The following SLC45A4 variants were observed in gnomAD, a reference collection of about 807,000 sequenced individuals.
SLC45A4 encodes polyamine-transporter SLC45A4.
SLC45A4 carries 32 observed loss-of-function variants against 63.7 expected under a neutral mutation model. That is an observed-to-expected ratio of 0.50 (90% confidence interval 0.38 to 0.67). The LOEUF (loss-of-function observed/expected upper bound fraction) is 0.67, where lower values mean the gene tolerates loss of function less well. Ranked by LOEUF, SLC45A4 falls within the 30% of genes least tolerant of loss-of-function variation. The probability of loss-of-function intolerance (pLI) is 0.00; values close to 1 mark genes in which losing one functional copy is unlikely to be tolerated. For missense variants in SLC45A4, 1,027 were observed against 1,157.7 expected, an observed-to-expected ratio of 0.89 and a Z score of 1.64; for synonymous variants, 535 against 510.0, an observed-to-expected ratio of 1.05 and a Z score of -0.66.
intron 1 of SLC45A4, among the ~76,000 whole-genome samples, chr8:141,303,696 A>C (rs996090648): frequency 6.6e-6 from 1 of 152,218 alleles, no homozygotes; most frequent in Non-Finnish European, 1.5e-5. Flanking sequence ...AGCAAGTAGC[A>C]TAACAGAACC....
At chr8:141,213,168 A>T (rs1017908294) in intron 7 of SLC45A4, among the ~76,000 whole-genome samples, 2 of 150,852 alleles carry the variant, frequency 1.3e-5, no homozygotes, top group African/African-American at 4.9e-5. Flanking sequence ...TGTGTGCCAT[A>T]ATCACAGTGA....
At chr8:141,300,352 G>C (rs938327730) in intron 1 of SLC45A4, among the ~76,000 whole-genome samples, 1 of 152,212 alleles carries the variant, frequency 6.6e-6, no homozygotes. Flanking sequence ...AGTGGGATGG[G>C]AAGTGGTGGT....
At chr8:141,302,253 CAA>C (rs1335675050) in intron 1 of SLC45A4, among the ~76,000 whole-genome samples, 2 of 152,084 alleles carry the variant, frequency 1.3e-5, no homozygotes, top group Admixed American at 6.6e-5. Flanking sequence ...TATAGTTTTT[CAA>C]AGTTTTTTTT....
At chr8:141,293,150 CCA>C (rs1296421494) in intron 1 of SLC45A4, among the ~76,000 whole-genome samples, 1 of 152,214 alleles carries the variant, frequency 6.6e-6, no homozygotes, top group Non-Finnish European at 1.5e-5. Context: ...TTCCTCAAGC[CCA>C]CAAAGTGAAA....
chr8:141,260,443 G>C (rs1828998389), intron 1 of SLC45A4, among the ~76,000 whole-genome samples: 1 of 152,148 alleles, frequency 6.6e-6, no homozygotes, highest in Admixed American at 6.5e-5. Flanking sequence ...GCACCCATTG[G>C]ACTAACCCAG....
intron 2 of SLC45A4, among the ~76,000 whole-genome samples, chr8:141,242,537 A>G (rs538524116): frequency 1.3e-5 from 2 of 152,328 alleles, no homozygotes; most frequent in Admixed American, 1.3e-4. Context: ...CGGGCGAGAC[A>G]GTGCTGGGAA....
intron 1 of SLC45A4, among the ~76,000 whole-genome samples, chr8:141,262,557 T>C (rs1829081758): frequency 1.3e-5 from 2 of 151,378 alleles, no homozygotes; most frequent in South Asian, 2.1e-4. Flanking sequence ...GGGTGAAGGA[T>C]ATGAACAGAC....
rs1030554912 is a variant in SLC45A4, at chr8:141,278,950, C to T, written c.-400-24321G>A. Among the ~76,000 whole-genome samples the T allele has an allele frequency of 1.3e-5, 2 of 152,238 alleles. No individual in the cohort carries two copies. The highest frequency in any genetic ancestry group is 2.4e-5 in the African/African-American group (1 of 41,470). On this transcript the variant is annotated intron_variant, in intron 1 of 8. Coordinates refer to ENST00000517878, the MANE Select transcript of SLC45A4 (RefSeq NM_001286646.2). This position sits in a 1 kb window ranked among gnomAD's most constrained non-coding sequence, Gnocchi z 4.1. ...TCAGCCTGCTCTGTCCCCTTCAAGG[C>T]CAGACAAGCAAAGCCCCAGCCCCCA... is the stretch of plus-strand genomic sequence containing the variant.
intron 2 of SLC45A4, among the ~76,000 whole-genome samples, chr8:141,243,481 T>G (rs1828012816): frequency 6.6e-6 from 1 of 152,134 alleles, no homozygotes; most frequent in Non-Finnish European, 1.5e-5. Flanking sequence ...CCAAAAACCT[T>G]TCAAGATTTA....
chr8:141,262,405 G>A (rs1179603070), intron 1 of SLC45A4, among the ~76,000 whole-genome samples: 3 of 148,712 alleles, frequency 2.0e-5, no homozygotes, highest in African/African-American at 7.4e-5. Flanking sequence ...CACAGCAAAA[G>A]AAACTACCAT....
At chr8:141,219,081 G>A (rs759485401) in intron 4 of SLC45A4, 52 bp from the exon 5 acceptor site, 29 of 1,566,340 alleles carry the variant, frequency 1.9e-5, no homozygotes, top group South Asian at 3.6e-5. Flanking sequence ...GGCCACAGGG[G>A]GGGAAGCTCT....
intron 1 of SLC45A4, among the ~76,000 whole-genome samples, chr8:141,282,144 C>T (rs1800144136): frequency 6.6e-6 from 1 of 152,190 alleles, no homozygotes; most frequent in Admixed American, 6.5e-5. Context: ...AGGCCCGGGT[C>T]TCAGGACGTC....
intron 1 of SLC45A4, among the ~76,000 whole-genome samples, chr8:141,287,729 T>G (rs1469970366): frequency 3.3e-5 from 5 of 152,226 alleles, no homozygotes; most frequent in Non-Finnish European, 7.3e-5. Flanking sequence ...TACAGCAGGC[T>G]CTCTGCTGGG....
chr8:141,217,317 G>A (rs1768319365), intron 5 of SLC45A4, 128 bp from the exon 6 acceptor site: 3 of 936,698 alleles, frequency 3.2e-6, no homozygotes, highest in Non-Finnish European at 4.8e-6. Flanking sequence ...GTCCCATCCA[G>A]GAGGAGAGCC....
chr8:141,296,731 G>A (rs1455071728), intron 1 of SLC45A4, among the ~76,000 whole-genome samples: 4 of 149,696 alleles, frequency 2.7e-5, no homozygotes, highest in Admixed American at 6.7e-5. Flanking sequence ...AGCTACTCAG[G>A]AGGCTGAGGC....
At chr8:141,262,298 T>C (rs1270051627) in intron 1 of SLC45A4, among the ~76,000 whole-genome samples, 4 of 150,094 alleles carry the variant, frequency 2.7e-5, no homozygotes, top group African/African-American at 7.4e-5. Context: ...ATTCAGGACA[T>C]AGGCATGGGC....
chr8:141,211,349 G>T lies in SLC45A4; in HGVS notation c.*223C>A. 3 of 1,391,674 alleles carry T rather than the reference G, an allele frequency of 2.2e-6. No individual in the cohort carries two copies. The highest frequency in any genetic ancestry group is 2.9e-6 in the Non-Finnish European group (3 of 1,036,746). The allele number at this position is 1,391,674 out of a possible 1,614,324, so 86.2% of individuals were successfully genotyped here. ...TGGCTGGGCGCAGACACACTCACAC[G>T]CGCACGCAGGAGCTCGTCTGGAGCT... On this transcript the variant is annotated 3_prime_UTR_variant, in exon 9 of 9. Coordinates refer to ENST00000517878, the MANE Select transcript of SLC45A4 (RefSeq NM_001286646.2).
At chr8:141,247,434 C>A (rs1194070251) in intron 2 of SLC45A4, among the ~76,000 whole-genome samples, 1 of 152,170 alleles carries the variant, frequency 6.6e-6, no homozygotes, top group Non-Finnish European at 1.5e-5. Flanking sequence ...ATATTATGTT[C>A]ATGGATCGAA....
chr8:141,302,320 C>T lies in SLC45A4; in HGVS notation c.-401+5776G>A, dbSNP rs189094449. ...TTTCGCTCAGGCTGGAGTGAAGTGG[C>T]GCAATCTTGGCTCACTGCAACCTCC... On this transcript the variant is annotated intron_variant, in intron 1 of 8. Transcript: ENST00000517878. Among the ~76,000 whole-genome samples, 434 of 152,056 alleles carry T rather than the reference C, an allele frequency of 2.9e-3. 1 individual carries two copies. Among genetic ancestry groups the T allele is most frequent in the African/African-American group, 9.9e-3 (410 of 41,456 alleles).
Sources: gnomAD v4.1 joint callset for allele counts (sites outside exome capture counted in the v4.1 genomes callset) on GRCh38, gnomAD v4.1.1 for gene constraint, Gnocchi (gnomAD v3.1) non-coding constraint, MANE v1.5 for transcripts, NCBI Gene and HGNC (gene_info 2026-07-23, HGNC 2026-07-21) for gene names.